DIP2B: variants seen among roughly 807,000 people sequenced by gnomAD.
DIP2B encodes DIP2 acetate--CoA ligase B (putative).
DIP2B carries 76 observed loss-of-function variants against 198.0 expected under a neutral mutation model. That is an observed-to-expected ratio of 0.38 (90% CI 0.32 to 0.46). DIP2B has a LOEUF of 0.46. DIP2B is among the 20% of genes least tolerant of loss of function. DIP2B has a pLI of 0.99. For synonymous variants in DIP2B, 701 were observed against 739.1 expected (o/e 0.95, Z 0.84); for missense variants, 1,559 against 1,978.4 (o/e 0.79, Z 4.02).
chr12:50,635,076 A>G (rs1320731974), intron 2 of DIP2B, among the ~76,000 whole-genome samples: 1 of 152,226 alleles, frequency 6.6e-6, no homozygotes, highest in African/African-American at 2.4e-5. Flanking sequence ...TAATTTTTAA[A>G]TGAAGTTGGT....
chr12:50,658,040 C>G (rs899138580), intron 3 of DIP2B, among the ~76,000 whole-genome samples: 2 of 145,608 alleles, frequency 1.4e-5, no homozygotes, highest in African/African-American at 5.1e-5. Flanking sequence ...CGCTGGAGCC[C>G]AGTTCAAGAC....
At chr12:50,737,904 G>A (rs769024276) in intron 35 of DIP2B, among the ~76,000 whole-genome samples, 75 of 152,152 alleles carry the variant, frequency 4.9e-4, no homozygotes, top group Non-Finnish European at 9.9e-4. Context: ...AATCTTTGAA[G>A]GATGCTGATA....
intron 25 of DIP2B, among the ~76,000 whole-genome samples, chr12:50,719,539 C>T (rs1055228319): frequency 1.3e-5 from 2 of 152,100 alleles, no homozygotes; most frequent in African/African-American, 4.8e-5. Context: ...ATGGATGGTT[C>T]GTTATAATAC....
chr12:50,509,291 G>C (rs895236322), intron 1 of DIP2B, among the ~76,000 whole-genome samples: 2 of 152,184 alleles, frequency 1.3e-5, no homozygotes, highest in African/African-American at 4.8e-5. Flanking sequence ...TACGAGATTG[G>C]ATTGTGTGGC....
At chr12:50,695,092 A>C (rs2139553475) in intron 14 of DIP2B, among the ~76,000 whole-genome samples, 175 bp from the exon 15 acceptor site, 1 of 152,254 alleles carries the variant, frequency 6.6e-6, no homozygotes, top group African/African-American at 2.4e-5. Flanking sequence ...ACCAGGTTTG[A>C]GGGTAGGTAT....
At position 50,625,899 on chromosome 12, in the gene DIP2B, A is replaced by T. The variant is rs142272129; in HGVS notation, c.101-77A>T. 843 of 1,472,564 alleles carry T rather than the reference A, an allele frequency of 5.7e-4. 14 individuals are homozygous for T. The East Asian group carries it at 0.017, about 30-fold the overall frequency. The allele number at this position is 1,472,564 out of a possible 1,614,324, so 91.2% of individuals were successfully genotyped here. A position where few individuals can be genotyped will look rare whatever the true frequency, so the allele number is the denominator to read the frequency against. On this transcript the variant is annotated intron_variant, in intron 1 of 37. Coordinates refer to ENST00000301180, the MANE Select transcript of DIP2B (RefSeq NM_173602.3). ...ATATGGGGTAGTTCTATAACTCTGT[A>T]ATTAATTTTATTTTTACAGTGGAAA...
At chr12:50,630,331 A>T (rs529867480) in intron 2 of DIP2B, among the ~76,000 whole-genome samples, 11 of 152,060 alleles carry the variant, frequency 7.2e-5, no homozygotes, top group African/African-American at 2.4e-4. Context: ...CTTCTGCTTT[A>T]TGTTGCTTGT....
chr12:50,607,790 A>ATTTG (rs771238561), intron 1 of DIP2B, among the ~76,000 whole-genome samples: 1 of 151,986 alleles, frequency 6.6e-6, no homozygotes, highest in Non-Finnish European at 1.5e-5. Flanking sequence ...TGGGTTTTTT[A>ATTTG]TTTGTTTGTT....
At chr12:50,624,915 T>C (rs1045995817) in intron 1 of DIP2B, among the ~76,000 whole-genome samples, 3 of 152,216 alleles carry the variant, frequency 2.0e-5, no homozygotes, top group African/African-American at 7.2e-5. Flanking sequence ...CATTGGAGGC[T>C]GAGGCCAACA....
At chr12:50,513,137 T>C (rs746925882) in intron 1 of DIP2B, among the ~76,000 whole-genome samples, 31 of 152,232 alleles carry the variant, frequency 2.0e-4, no homozygotes, top group Non-Finnish European at 3.7e-4. Context: ...TTGCTGCTGA[T>C]AGTGAATGGA....
chr12:50,666,342 CAGAAG>C (rs1470598807), intron 4 of DIP2B, among the ~76,000 whole-genome samples: 2 of 152,120 alleles, frequency 1.3e-5, no homozygotes, highest in African/African-American at 4.8e-5. Context: ...CCCCATTTTA[CAGAAG>C]AGAAAACAGG....
intron 30 of DIP2B, among the ~76,000 whole-genome samples, chr12:50,730,575 A>G (rs1480525994): frequency 6.6e-6 from 1 of 151,794 alleles, no homozygotes; most frequent in East Asian, 1.9e-4. Context: ...TTGTAGAGGC[A>G]TGAGTTTTGC....
intron 1 of DIP2B, among the ~76,000 whole-genome samples, chr12:50,521,094 GTTTTTTT>G (rs386376482): frequency 1.4e-4 from 13 of 94,328 alleles, no homozygotes; most frequent in African/African-American, 5.3e-4. Flanking sequence ...TTCAGCAACA[GTTTTTTT>G]TTTTTTTTTT....
In DIP2B at chr12:50,617,313, A is replaced by G. The variant is rs566780380; in HGVS notation, c.101-8663A>G. 1.1e-4 allele frequency among the ~76,000 whole-genome samples: 16 copies of G among 151,752 alleles called. No individual in the cohort carries two copies. In the East Asian group the frequency reaches 3.1e-3, roughly 30 times the overall value. The stretch of plus-strand genomic sequence containing the variant: ...TGGGACTACAGGCGCCCGCTACTAC[A>G]CCTGGCTAATTTTTTGTATTTTTAG... On this transcript the variant is annotated intron_variant, in intron 1 of 37. Coordinates refer to ENST00000301180, the MANE Select transcript of DIP2B (RefSeq NM_173602.3).
Position 50,714,476 on chromosome 12 carries a change from G to A in DIP2B, c.2731G>A (p.Gly911Arg). Residue 911 changes from glycine to arginine, a missense_variant, in exon 23 of 38, where the codon GGA becomes AGA. Physicochemically the swap from Gly to Arg is moderately radical, Grantham distance 125. Transcript: ENST00000301180. ...TACATTGCCAAAAACTCCACTAGGA[G>A]GAATCCATATATCTCAGACGAAACA... ...ANTLPKTPLG[G>R]IHISQTKQLF... 1 of 1,614,168 alleles carries A rather than the reference G, an allele frequency of 6.2e-7. No individual in the cohort carries two copies. Among genetic ancestry groups the A allele is most frequent in the Non-Finnish European group, 8.5e-7 (1 of 1,180,044 alleles).
In DIP2B at chr12:50,534,293, T is replaced by C. The variant is rs1206318174; in HGVS notation, c.100+29053T>C. On this transcript the variant is annotated intron_variant, in intron 1 of 37. Coordinates refer to ENST00000301180, the MANE Select transcript of DIP2B (RefSeq NM_173602.3). ...CCTTATTTTCTGGGAATTTATATTA[T>C]GTATGTGTGTCTAAAAAAACACTTT... is the stretch of plus-strand genomic sequence containing the variant. Among the ~76,000 whole-genome samples the C allele has an allele frequency of 5.9e-5, 9 of 152,118 alleles. No individual in the cohort carries two copies. In the South Asian group the frequency reaches 1.9e-3, roughly 31 times the overall value.
chr12:50,737,115 GTAA>G lies in DIP2B; in HGVS notation c.4176+10_4176+12del. ...GGAGACTCTCACCTTGGAGAGGTTT[GTAA>G]TAATTTTCATTTTTACTCTGAAAAG... On this transcript the variant is annotated splice_donor_region_variant and intron_variant, in intron 35 of 37. Transcript: ENST00000301180. 1.9e-6 allele frequency: 3 copies of G among 1,612,850 alleles called. No homozygotes were observed. The highest frequency in any genetic ancestry group is 2.5e-6 in the Non-Finnish European group (3 of 1,179,462).
intron 23 of DIP2B, among the ~76,000 whole-genome samples, chr12:50,717,754 A>G (rs1446947577): frequency 2.0e-5 from 3 of 150,560 alleles, no homozygotes; most frequent in African/African-American, 7.3e-5. Context: ...ATACCAGGCT[A>G]ATATTTTTGT....
chr12:50,739,971 G>C (rs910848658), intron 36 of DIP2B, among the ~76,000 whole-genome samples: 1 of 152,176 alleles, frequency 6.6e-6, no homozygotes, highest in African/African-American at 2.4e-5. Flanking sequence ...TCCCTGAGAG[G>C]GGCGTCAGTT....
Sources: allele counts gnomAD v4.1 joint callset (sites outside exome capture counted in the v4.1 genomes callset), GRCh38; gene constraint gnomAD v4.1.1; transcripts MANE v1.5; gene names NCBI Gene and HGNC (gene_info 2026-07-23, HGNC 2026-07-21).